ZNHIT3: variants seen among roughly 807,000 people sequenced by gnomAD.
The protein encoded by ZNHIT3 is zinc finger HIT domain-containing protein 3.
Under a neutral mutation model 19.9 loss-of-function variants are expected in ZNHIT3, and 27 were observed. That is an observed-to-expected ratio of 1.36 (90% confidence interval 1.00 to 1.87). ZNHIT3 has a LOEUF of 1.87. Among genes scored for constraint, ZNHIT3 ranks in the 40% most tolerant of loss-of-function variants. ZNHIT3 has a pLI of 0.00. For synonymous variants in ZNHIT3, 81 were observed against 65.7 expected (o/e 1.23, Z -1.13); for missense variants, 215 against 185.6 (o/e 1.16, Z -0.92).
At chr17:36,496,412 G>C (rs757222359), downstream of ZNHIT3, 35 of 1,613,718 alleles carry the variant, frequency 2.2e-5, no homozygotes, top group South Asian at 3.5e-4. Flanking sequence ...GATCCCTAGA[G>C]GGGAGAGAGA....
chr17:36,493,051 A>C, intron 3 of ZNHIT3, 152 bp downstream of exon 3: 2 of 706,970 alleles, frequency 2.8e-6, no homozygotes, highest in South Asian at 1.7e-5. Context: ...GAGTGGGGCC[A>C]TGTCATCATG....
downstream of ZNHIT3, chr17:36,496,361 C>G (rs769073780): frequency 6.2e-7 from 1 of 1,613,948 alleles, no homozygotes; most frequent in African/African-American, 1.3e-5. Context: ...GGGCAGATGT[C>G]AGCATACCGC....
At chr17:36,486,999 T>C (rs957322240) in intron 2 of ZNHIT3, 33 bp downstream of exon 2, 1 of 1,609,506 alleles carries the variant, frequency 6.2e-7, no homozygotes, top group African/African-American at 1.3e-5. Context: ...CTCGTACCAC[T>C]GCGCACGGGG....
At chr17:36,496,187 G>C, downstream of ZNHIT3, 2 of 1,589,858 alleles carry the variant, frequency 1.3e-6, no homozygotes, top group East Asian at 4.5e-5. Flanking sequence ...GCTGTGTGCT[G>C]ATTAAATGTC....
downstream of ZNHIT3, chr17:36,495,904 G>C (rs1026872899): frequency 8.3e-7 from 1 of 1,203,124 alleles, no homozygotes; most frequent in Non-Finnish European, 1.0e-6. Flanking sequence ...AACTTTGGCT[G>C]TTTTCTTCCA....
chr17:36,498,891 A>G (rs2071245687), downstream of ZNHIT3: 3 of 599,016 alleles, frequency 5.0e-6, no homozygotes, highest in Non-Finnish European at 8.9e-6. Context: ...TCACCTACAT[A>G]ACCACCCTGC....
intron 4 of ZNHIT3, among the ~76,000 whole-genome samples, chr17:36,494,723 G>A (rs2070837543): frequency 6.6e-6 from 1 of 152,072 alleles, no homozygotes; most frequent in African/African-American, 2.4e-5. Flanking sequence ...ATTATTGTTG[G>A]TTCCCTGCTA....
chr17:36,497,615 C>A, downstream of ZNHIT3: 1 of 881,262 alleles, frequency 1.1e-6, no homozygotes, highest in Non-Finnish European at 1.4e-6. Context: ...GATGGACTCT[C>A]GTCCTGTCAC....
intron 2 of ZNHIT3, chr17:36,489,900 G>T (rs2070686884): frequency 6.6e-6 from 1 of 151,330 alleles, no homozygotes; most frequent in African/African-American, 2.4e-5. Context: ...GATTACAGGG[G>T]TGAGCCACCA....
intron 3 of ZNHIT3, among the ~76,000 whole-genome samples, chr17:36,493,609 G>A (rs1289140177): frequency 1.3e-5 from 2 of 152,208 alleles, no homozygotes; most frequent in Non-Finnish European, 2.9e-5. Flanking sequence ...ATGTTGAGGT[G>A]GGGATGGGTA....
chr17:36,495,364 G>A lies in ZNHIT3; in HGVS notation c.428G>A (p.Cys143Tyr), dbSNP rs143015937. ...EPLFVEFADCCLGIVEPSQNE... is the reference protein window; with the variant it reads ...EPLFVEFADCYLGIVEPSQNE... ...TTGTTTGTGGAGTTTGCAGACTGCT[G>A]TTTAGGAATTGTGGAGCCATCCCAG... Residue 143 changes from cysteine (C) to tyrosine (Y), a missense_variant, in exon 5 of 5, where the codon TGT (cysteine) becomes TAT (tyrosine). Transcript: ENST00000617429. 15 of 1,611,440 alleles carry A rather than the reference G, an allele frequency of 9.3e-6. No homozygotes were observed. Among genetic ancestry groups the A allele is most frequent in the Non-Finnish European group, 1.3e-5 (15 of 1,179,342 alleles).
intron 2 of ZNHIT3, 43 bp downstream of exon 2, chr17:36,487,009 GC>G (rs2070577129): frequency 6.2e-7 from 1 of 1,604,528 alleles, no homozygotes; most frequent in Non-Finnish European, 8.5e-7. Flanking sequence ...TGCGCACGGG[GC>G]AGCCCCCACG....
Position 36,492,809 on chromosome 17 carries a change from T to G in ZNHIT3, c.119-4T>G. ...TGTGGGCCTGGGATTTGTGTCTTTT[T>G]CAGAACAGTGCAACCCTGAAACTCG... On this transcript the variant is annotated splice_region_variant and splice_polypyrimidine_tract_variant and intron_variant, in intron 2 of 4. Coordinates refer to ENST00000617429, the MANE Select transcript of ZNHIT3 (RefSeq NM_004773.4). The G allele has an allele frequency of 6.2e-7, 1 of 1,613,604 alleles. No individual in the cohort carries two copies. The highest frequency in any genetic ancestry group is 2.2e-5 in the East Asian group (1 of 44,882).
chr17:36,494,979 T>C (rs148142470), intron 4 of ZNHIT3, among the ~76,000 whole-genome samples: 4 of 152,338 alleles, frequency 2.6e-5, no homozygotes, highest in Non-Finnish European at 5.9e-5. Flanking sequence ...GGAAATAGTT[T>C]GATATGCTGG....
At chr17:36,498,619 G>C (rs1870473644), downstream of ZNHIT3, 4 of 1,489,806 alleles carry the variant, frequency 2.7e-6, no homozygotes, top group Non-Finnish European at 2.7e-6. Flanking sequence ...AGCAGAAAAT[G>C]GAAATCAAAA....
At chr17:36,486,992 G>A in intron 2 of ZNHIT3, 26 bp downstream of exon 2, 2 of 1,609,978 alleles carry the variant, frequency 1.2e-6, no homozygotes, top group Non-Finnish European at 1.7e-6. Flanking sequence ...GCCAGCCCTC[G>A]TACCACTGCG....
intron 2 of ZNHIT3, chr17:36,489,765 A>C (rs1416145564): frequency 2.0e-5 from 3 of 151,628 alleles, no homozygotes; most frequent in Non-Finnish European, 4.4e-5. Context: ...AGTAGCTGGG[A>C]TTACAGGTGC....
chr17:36,487,049 C>CT, intron 2 of ZNHIT3, 83 bp downstream of exon 2: 1 of 1,547,556 alleles, frequency 6.5e-7, no homozygotes, highest in Non-Finnish European at 8.7e-7. Flanking sequence ...GGCGTGGACC[C>CT]TTGGGCTGCG....
intron 2 of ZNHIT3, chr17:36,489,760 C>G (rs2070683404): frequency 6.6e-6 from 1 of 151,896 alleles, no homozygotes; most frequent in East Asian, 1.9e-4. Flanking sequence ...TCCAAAGTAG[C>G]TGGGATTACA....
Sources: gnomAD v4.1 joint callset for allele counts (sites outside exome capture counted in the v4.1 genomes callset) on GRCh38, gnomAD v4.1.1 for gene constraint, MANE v1.5 for transcripts, NCBI Gene and HGNC (gene_info 2026-07-23, HGNC 2026-07-21) for gene names.